The following FUT8 variants were observed in gnomAD, a reference collection of about 807,000 sequenced individuals.
FUT8 encodes fucosyltransferase 8, also known as alpha-(1,6)-fucosyltransferase.
Under a neutral mutation model 71.3 loss-of-function variants are expected in FUT8, and 29 were observed. The ratio of observed to expected loss-of-function variants is 0.41; its 90% CI spans 0.30 to 0.55. The LOEUF (loss-of-function observed/expected upper bound fraction) is 0.55. Among genes scored for constraint, FUT8 ranks in the 20% least tolerant of loss-of-function variants. FUT8 has a pLI of 0.34. For missense variants in FUT8, 544 were observed against 702.1 expected (o/e 0.77, Z 2.55); for synonymous variants, 254 against 239.3 (o/e 1.06, Z -0.57).
chr14:65,631,169 C>T (rs1221819560), intron 6 of FUT8, among the ~76,000 whole-genome samples: 1 of 152,148 alleles, frequency 6.6e-6, no homozygotes, highest in Non-Finnish European at 1.5e-5. Flanking sequence ...CAACTAGAAC[C>T]TCACTCAGTG....
chr14:65,544,794 C>A (rs1370552604), intron 2 of FUT8, among the ~76,000 whole-genome samples: 7 of 151,942 alleles, frequency 4.6e-5, no homozygotes, highest in Admixed American at 1.3e-4. Flanking sequence ...ATTTTAAATT[C>A]ATATGTATAT....
chr14:65,708,842 G>A (rs1232385207), intron 7 of FUT8, among the ~76,000 whole-genome samples: 1 of 152,130 alleles, frequency 6.6e-6, no homozygotes, highest in Non-Finnish European at 1.5e-5. Context: ...CTGCGGTCGG[G>A]GGATGGTGTG....
the FUT8 span, among the ~76,000 whole-genome samples, chr14:65,393,654 A>G: frequency 6.6e-6 from 1 of 152,178 alleles, no homozygotes; most frequent in East Asian, 1.9e-4. Context: ...TTGCTTTAGA[A>G]TCTGGCATCT....
the FUT8 span, among the ~76,000 whole-genome samples, chr14:65,373,265 C>T: frequency 2.0e-5 from 3 of 151,526 alleles, no homozygotes; most frequent in Non-Finnish European, 4.4e-5. Context: ...TAAATGACAA[C>T]AGGCATTCCT....
chr14:65,386,109 G>A, the FUT8 span, among the ~76,000 whole-genome samples: 20,153 of 151,384 alleles, frequency 0.13, 1,957 homozygotes, highest in East Asian at 0.53. Flanking sequence ...CAGAGACTGC[G>A]CCCTTGCACT....
intron 1 of FUT8, among the ~76,000 whole-genome samples, chr14:65,416,138 T>C (rs536971525): frequency 6.6e-6 from 1 of 152,306 alleles, no homozygotes; most frequent in African/African-American, 2.4e-5. Context: ...AATAAATCTC[T>C]TGATTTAGTT....
intron 6 of FUT8, among the ~76,000 whole-genome samples, chr14:65,635,572 T>A (rs1421527379): frequency 6.6e-6 from 1 of 152,250 alleles, no homozygotes; most frequent in Admixed American, 6.5e-5. Context: ...GAGTGCTTTT[T>A]CTGCATCTAT....
At chr14:65,708,617 C>G (rs1234396140) in intron 7 of FUT8, among the ~76,000 whole-genome samples, 1 of 151,878 alleles carries the variant, frequency 6.6e-6, no homozygotes, top group Non-Finnish European at 1.5e-5. Context: ...GGATTGTTTC[C>G]TTAATTTCCT....
At chr14:65,695,264 T>G (rs770097994) in intron 7 of FUT8, among the ~76,000 whole-genome samples, 23 of 152,162 alleles carry the variant, frequency 1.5e-4, no homozygotes, top group Non-Finnish European at 3.2e-4. Flanking sequence ...TATTGAAGTC[T>G]CCAAGTATAA....
At chr14:65,576,823 G>A (rs1279878938) in intron 3 of FUT8, among the ~76,000 whole-genome samples, 1 of 146,516 alleles carries the variant, frequency 6.8e-6, no homozygotes, top group Admixed American at 7.0e-5. Flanking sequence ...AGGTTCAAGC[G>A]ATTCTCCTTC....
rs1259723902 is a variant in FUT8, at chr14:65,479,652, C to T, written c.-228+23934C>T. On this transcript the variant is annotated intron_variant, in intron 2 of 10. Transcript: ENST00000673929. ...CTTTCTTCCCCTTCTATCCCCCTCC[C>T]CTCCTGTTTTTCCTTCTTTGCTTGT... The T allele has an allele frequency of 5.9e-5, 9 of 152,184 alleles. No individual in the cohort carries two copies. The East Asian group carries it at 1.3e-3, about 23-fold the overall frequency. 9.4% of individuals were successfully genotyped at this position (152,184 alleles called of 1,614,324 possible).
At chr14:65,589,705 A>C (rs1180952511) in intron 3 of FUT8, among the ~76,000 whole-genome samples, 1 of 151,984 alleles carries the variant, frequency 6.6e-6, no homozygotes, top group African/African-American at 2.4e-5. Context: ...CGGCCTCCCA[A>C]AGTGCTGGGA....
At chr14:65,575,243 T>A (rs1261793177) in intron 3 of FUT8, among the ~76,000 whole-genome samples, 1 of 152,056 alleles carries the variant, frequency 6.6e-6, no homozygotes, top group Non-Finnish European at 1.5e-5. Flanking sequence ...TCTCTCTCCC[T>A]CCTTTCTTCC....
chr14:65,659,835 C>A (rs1405698714), intron 6 of FUT8, among the ~76,000 whole-genome samples: 1 of 151,994 alleles, frequency 6.6e-6, no homozygotes, highest in African/African-American at 2.4e-5. Context: ...AGGAAAGAGA[C>A]CGTAATGAAT....
intron 1 of FUT8, among the ~76,000 whole-genome samples, chr14:65,429,106 G>T (rs991618736): frequency 1.3e-5 from 2 of 152,182 alleles, no homozygotes; most frequent in African/African-American, 4.8e-5. Flanking sequence ...GTAGGCTGGT[G>T]TCAGGTATAT....
chr14:65,624,472 A>G (rs1173099324), intron 5 of FUT8, among the ~76,000 whole-genome samples: 5 of 152,228 alleles, frequency 3.3e-5, no homozygotes, highest in Admixed American at 6.5e-5. Flanking sequence ...ATGGTAAAGG[A>G]ATGTCTTGAT....
intron 1 of FUT8, among the ~76,000 whole-genome samples, chr14:65,454,794 G>A (rs1384372095): frequency 6.6e-6 from 1 of 152,174 alleles, no homozygotes; most frequent in African/African-American, 2.4e-5. Flanking sequence ...AACATTTGAT[G>A]TGCGAATCTT....
At chr14:65,560,238 C>T (rs184940857) in intron 2 of FUT8, among the ~76,000 whole-genome samples, 26 of 152,244 alleles carry the variant, frequency 1.7e-4, no homozygotes, top group Non-Finnish European at 3.4e-4. Flanking sequence ...GTCTCGTATA[C>T]AGAAACTATT....
intron 1 of FUT8, among the ~76,000 whole-genome samples, chr14:65,426,779 A>C (rs192471785): frequency 6.6e-6 from 1 of 152,202 alleles, no homozygotes; most frequent in Non-Finnish European, 1.5e-5. Flanking sequence ...TTAAACTCCA[A>C]CAGGATTGTC....
Sources: allele counts gnomAD v4.1 joint callset (sites outside exome capture counted in the v4.1 genomes callset), GRCh38; gene constraint gnomAD v4.1.1; transcripts MANE v1.5; gene names NCBI Gene and HGNC (gene_info 2026-07-23, HGNC 2026-07-21).